The following RNF216 variants were observed in gnomAD, a reference collection of about 807,000 sequenced individuals.
RNF216 encodes the protein ring finger protein 216.
A neutral mutation model predicts 110.8 loss-of-function variants in RNF216; 72 were observed. That is an observed-to-expected ratio of 0.65 (90% CI 0.54 to 0.79). The LOEUF is 0.79. Ranked by LOEUF, RNF216 falls within the 30% of genes least tolerant of loss-of-function variation. The probability of loss-of-function intolerance (pLI) is 0.00; values close to 1 mark genes in which losing one functional copy is unlikely to be tolerated. For missense variants in RNF216, 1,342 were observed against 1,141.2 expected (o/e 1.18, Z -2.54); for synonymous variants, 495 against 407.5 (o/e 1.21, Z -2.59).
intron 13 of RNF216, among the ~76,000 whole-genome samples, chr7:5,678,003 G>A (rs190878305): frequency 7.9e-5 from 12 of 152,104 alleles, no homozygotes; most frequent in East Asian, 5.8e-4. Flanking sequence ...CAGATTTTGC[G>A]ACTGTTCTTG....
intron 13 of RNF216, among the ~76,000 whole-genome samples, chr7:5,666,981 A>AT (rs1452697653): frequency 2.0e-5 from 3 of 151,970 alleles, no homozygotes; most frequent in Admixed American, 2.0e-4. Context: ...TACCTGGCTA[A>AT]TTTTTTGTAC....
intron 13 of RNF216, among the ~76,000 whole-genome samples, chr7:5,678,396 C>T (rs1458425168): frequency 1.3e-5 from 2 of 152,156 alleles, no homozygotes; most frequent in African/African-American, 4.8e-5. Flanking sequence ...AGGGAACTAA[C>T]CATCGCCAAG....
At chr7:5,655,113 T>C (rs181256855) in intron 13 of RNF216, among the ~76,000 whole-genome samples, 52 of 152,216 alleles carry the variant, frequency 3.4e-4, no homozygotes, top group Non-Finnish European at 5.4e-4. Context: ...GTCTTCCTCA[T>C]AAGGGAAGAA....
intron 1 of RNF216, 87 bp from the exon 2 acceptor site, chr7:5,761,225 A>G: frequency 4.2e-6 from 2 of 476,076 alleles, no homozygotes; most frequent in Non-Finnish European, 7.3e-6. Flanking sequence ...TCTGAAGCTT[A>G]TGCTGAAAAC....
intron 14 of RNF216, among the ~76,000 whole-genome samples, chr7:5,650,508 A>G (rs1788323369): frequency 6.6e-6 from 1 of 151,864 alleles, no homozygotes; most frequent in Non-Finnish European, 1.5e-5. Context: ...GCCTGAGGAG[A>G]GAGTATGTTT....
intron 13 of RNF216, among the ~76,000 whole-genome samples, chr7:5,705,962 CAAAA>C (rs1562410753): frequency 1.3e-5 from 2 of 150,362 alleles, no homozygotes; most frequent in Non-Finnish European, 3.0e-5. Flanking sequence ...CAAAACAAAA[CAAAA>C]CACCACTCTG....
At chr7:5,777,247 GC>G (rs1298616811) in intron 1 of RNF216, among the ~76,000 whole-genome samples, 2 of 152,204 alleles carry the variant, frequency 1.3e-5, no homozygotes, top group Admixed American at 1.3e-4. Context: ...GCCCAGGTGA[GC>G]ACTTCTCAAT....
chr7:5,676,345 T>C (rs1790295210), intron 13 of RNF216, among the ~76,000 whole-genome samples: 2 of 152,346 alleles, frequency 1.3e-5, no homozygotes, highest in South Asian at 4.1e-4. Flanking sequence ...TCTCTCCAGC[T>C]ATATACCTTA....
At chr7:5,659,335 G>A (rs79760679) in intron 13 of RNF216, among the ~76,000 whole-genome samples, 6,349 of 152,240 alleles carry the variant, frequency 0.042, 179 homozygotes, top group East Asian at 0.093. Context: ...GACACTAGGG[G>A]CCTAGTCAGA....
At chr7:5,695,816 T>G (rs1316951455) in intron 13 of RNF216, among the ~76,000 whole-genome samples, 1 of 152,250 alleles carries the variant, frequency 6.6e-6, no homozygotes, top group Admixed American at 6.5e-5. Flanking sequence ...CGGATGTGTT[T>G]ATTTATGAAC....
intron 14 of RNF216, among the ~76,000 whole-genome samples, chr7:5,648,727 C>CCA (rs747781708): frequency 0.012 from 1,054 of 89,992 alleles, 14 homozygotes; most frequent in African/African-American, 0.036. Flanking sequence ...GACTCTGTCT[C>CCA]AAAAAAAAAA....
At chr7:5,773,877 T>A (rs912913839) in intron 1 of RNF216, among the ~76,000 whole-genome samples, 2 of 152,212 alleles carry the variant, frequency 1.3e-5, no homozygotes, top group Non-Finnish European at 2.9e-5. Context: ...AAGCCAAATT[T>A]CTTATTTTTT....
chr7:5,640,696 A>G (rs1421680718), intron 15 of RNF216, among the ~76,000 whole-genome samples: 33 of 152,266 alleles, frequency 2.2e-4, no homozygotes, highest in Non-Finnish European at 1.3e-4. Flanking sequence ...CCATCATTGC[A>G]TTTCTAGAAC....
intron 8 of RNF216, among the ~76,000 whole-genome samples, chr7:5,723,416 G>A (rs1474517896): frequency 1.3e-5 from 2 of 152,090 alleles, no homozygotes; most frequent in Non-Finnish European, 2.9e-5. Context: ...GGGAGGCCGA[G>A]GCGGGCGGAT....
chr7:5,700,916 A>C (rs1168428432), intron 13 of RNF216, among the ~76,000 whole-genome samples: 1 of 152,022 alleles, frequency 6.6e-6, no homozygotes, highest in Non-Finnish European at 1.5e-5. Context: ...CACTGCAACT[A>C]ATTTGGAGTT....
chr7:5,642,607 G>A (rs116418829), intron 14 of RNF216, among the ~76,000 whole-genome samples: 2,847 of 150,938 alleles, frequency 0.019, 36 homozygotes, highest in South Asian at 0.035. Context: ...ACAGGTGTGT[G>A]CCACCACATC....
intron 13 of RNF216, among the ~76,000 whole-genome samples, chr7:5,655,207 T>A (rs1444940668): frequency 1.3e-5 from 2 of 152,186 alleles, no homozygotes; most frequent in Admixed American, 1.3e-4. Flanking sequence ...AGGGCCACTG[T>A]GAGGCCCTCT....
intron 3 of RNF216, among the ~76,000 whole-genome samples, chr7:5,747,530 A>G (rs1382391530): frequency 6.6e-6 from 1 of 152,224 alleles, no homozygotes; most frequent in Non-Finnish European, 1.5e-5. Flanking sequence ...GTTATCTGAA[A>G]GCAAAATAGA....
intron 14 of RNF216, among the ~76,000 whole-genome samples, chr7:5,643,069 G>T (rs555457938): frequency 2.0e-5 from 3 of 152,192 alleles, no homozygotes; most frequent in Non-Finnish European, 4.4e-5. Flanking sequence ...ATAATAATGG[G>T]TATGGAGGGA....
Sources: allele counts gnomAD v4.1 joint callset (sites outside exome capture counted in the v4.1 genomes callset), GRCh38; gene constraint gnomAD v4.1.1; transcripts MANE v1.5; gene names NCBI Gene and HGNC (gene_info 2026-07-23, HGNC 2026-07-21).